KCNU1: variants seen among roughly 807,000 people sequenced by gnomAD.
KCNU1 encodes the protein potassium channel subfamily U member 1.
KCNU1 carries 93 observed loss-of-function variants against 126.8 expected under a neutral mutation model. That is an observed-to-expected ratio of 0.73 (90% confidence interval 0.62 to 0.87). KCNU1 has a LOEUF of 0.87. Ranked by LOEUF, KCNU1 falls within the 40% of genes least tolerant of loss-of-function variation. The pLI is 0.00. For missense variants in KCNU1, 1,330 were observed against 1,367.1 expected (o/e 0.97, Z 0.43); for synonymous variants, 523 against 494.2 (o/e 1.06, Z -0.77).
intron 2 of KCNU1, among the ~76,000 whole-genome samples, chr8:36,799,651 C>T (rs1397778240): frequency 2.0e-5 from 3 of 151,652 alleles, no homozygotes; most frequent in African/African-American, 4.8e-5. Context: ...TCTCCTGTCT[C>T]AGCCTTCTGA....
At chr8:36,843,953 C>T (rs560434683) in intron 16 of KCNU1, among the ~76,000 whole-genome samples, 2 of 152,252 alleles carry the variant, frequency 1.3e-5, no homozygotes, top group South Asian at 4.1e-4. Context: ...ACTAATAACA[C>T]CATGTTAGGA....
At chr8:36,785,325 A>G (rs1802675336) in intron 1 of KCNU1, among the ~76,000 whole-genome samples, 1 of 152,208 alleles carries the variant, frequency 6.6e-6, no homozygotes, top group South Asian at 2.1e-4. Flanking sequence ...GAAGAGTTTT[A>G]CTATACCCTG....
chr8:36,903,152 T>G (rs1807485401), intron 19 of KCNU1, among the ~76,000 whole-genome samples: 1 of 152,122 alleles, frequency 6.6e-6, no homozygotes, highest in Admixed American at 6.6e-5. Flanking sequence ...GTCTTCTCTG[T>G]CCTATTACTT....
intron 16 of KCNU1, 33 bp downstream of exon 16, chr8:36,841,036 T>TTG (rs1563288710): frequency 3.0e-6 from 2 of 660,708 alleles, no homozygotes; most frequent in Non-Finnish European, 4.3e-6. Context: ...CTTCAGTTGT[T>TTG]TTTTTTTTTT....
Position 36,922,602 on chromosome 8 carries a change from C to A in KCNU1, c.2709C>A (p.Gly903=). The part of the protein sequence containing the change: ...TAFSTGTVFS[G]SFLDSLLATA... Reference sequence around the variant, plus strand: ...TTTCTACGGGCACTGTTTTTTCCGGCAGCTTCTTGGATTCTCTGCTGGCCA... The same window carrying A: ...TTTCTACGGGCACTGTTTTTTCCGGAAGCTTCTTGGATTCTCTGCTGGCCA... Residue 903 remains glycine (G), a synonymous_variant, in exon 24 of 27, where the codon GGC becomes GGA. Transcript: ENST00000399881. 6.2e-7 allele frequency: 1 copy of A among 1,613,484 alleles called. No homozygotes were observed. Among genetic ancestry groups the A allele is most frequent in the Non-Finnish European group, 8.5e-7 (1 of 1,179,674 alleles).
chr8:36,894,366 G>C (rs1336144771), intron 19 of KCNU1, among the ~76,000 whole-genome samples: 1 of 152,106 alleles, frequency 6.6e-6, no homozygotes, highest in African/African-American at 2.4e-5. Flanking sequence ...GTTTGTTTCT[G>C]AGTGACTCAC....
At chr8:36,907,535 A>G (rs1401845306) in intron 20 of KCNU1, among the ~76,000 whole-genome samples, 3 of 152,210 alleles carry the variant, frequency 2.0e-5, no homozygotes, top group Non-Finnish European at 4.4e-5. Flanking sequence ...TAAGATTCAT[A>G]TCACTCTAGG....
intron 24 of KCNU1, among the ~76,000 whole-genome samples, chr8:36,925,000 A>C (rs1183630978): frequency 1.3e-5 from 2 of 152,166 alleles, no homozygotes; most frequent in African/African-American, 4.8e-5. Context: ...ACAAGCCAGT[A>C]TGAGGAACAC....
At chr8:36,784,907 T>C (rs1398987018) in intron 1 of KCNU1, among the ~76,000 whole-genome samples, 1 of 152,230 alleles carries the variant, frequency 6.6e-6, no homozygotes, top group Non-Finnish European at 1.5e-5. Flanking sequence ...ATAAACATTA[T>C]GTCCATGCCT....
intron 19 of KCNU1, among the ~76,000 whole-genome samples, chr8:36,883,437 C>T (rs1042211418): frequency 1.3e-5 from 2 of 152,166 alleles, no homozygotes; most frequent in African/African-American, 4.8e-5. Context: ...TATCTAGAAA[C>T]AACCTCAGGG....
At chr8:36,818,697 T>C (rs762711470) in intron 10 of KCNU1, among the ~76,000 whole-genome samples, 2 of 152,224 alleles carry the variant, frequency 1.3e-5, no homozygotes, top group Non-Finnish European at 2.9e-5. Flanking sequence ...ATTTTGATCT[T>C]ACGTAGGATT....
chr8:36,793,663 A>T (rs1802984394), intron 2 of KCNU1, among the ~76,000 whole-genome samples: 1 of 152,184 alleles, frequency 6.6e-6, no homozygotes, highest in Non-Finnish European at 1.5e-5. Flanking sequence ...GTAATTACTA[A>T]TCAACATGAC....
intron 19 of KCNU1, among the ~76,000 whole-genome samples, chr8:36,873,230 A>G (rs1806166267): frequency 6.6e-6 from 1 of 152,132 alleles, no homozygotes; most frequent in Non-Finnish European, 1.5e-5. Context: ...CTTGCCTACT[A>G]AGAATAATTA....
chr8:36,916,205 G>A (rs569864581), intron 22 of KCNU1, among the ~76,000 whole-genome samples: 2 of 147,346 alleles, frequency 1.4e-5, no homozygotes, highest in South Asian at 2.2e-4. Flanking sequence ...AAGGAAAGGG[G>A]AGAGGGAAGG....
intron 19 of KCNU1, among the ~76,000 whole-genome samples, chr8:36,879,651 G>A (rs551377666): frequency 3.3e-5 from 5 of 152,226 alleles, no homozygotes; most frequent in South Asian, 2.1e-4. Flanking sequence ...TTAAAATGCC[G>A]AATGCTTCAA....
intron 19 of KCNU1, among the ~76,000 whole-genome samples, chr8:36,875,482 A>G (rs550166607): frequency 2.0e-5 from 3 of 150,790 alleles, no homozygotes; most frequent in East Asian, 3.9e-4. Flanking sequence ...GATATATTAT[A>G]TATATACTGG....
At chr8:36,918,098 C>A (rs552771996) in intron 22 of KCNU1, among the ~76,000 whole-genome samples, 4 of 152,172 alleles carry the variant, frequency 2.6e-5, no homozygotes, top group Admixed American at 6.5e-5. Flanking sequence ...ATACTACAGG[C>A]AAATTGATGT....
At chr8:36,899,574 T>G (rs149159984) in intron 19 of KCNU1, among the ~76,000 whole-genome samples, 3 of 152,118 alleles carry the variant, frequency 2.0e-5, no homozygotes, top group African/African-American at 7.2e-5. Context: ...AAGTTTATAA[T>G]TTAATAATGA....
At chr8:36,851,586 C>T (rs1172336684) in intron 18 of KCNU1, among the ~76,000 whole-genome samples, 1 of 152,066 alleles carries the variant, frequency 6.6e-6, no homozygotes, top group African/African-American at 2.4e-5. Flanking sequence ...GATTAATACA[C>T]GATGAACATA....
Sources: allele counts gnomAD v4.1 joint callset (sites outside exome capture counted in the v4.1 genomes callset), GRCh38; gene constraint gnomAD v4.1.1; transcripts MANE v1.5; gene names NCBI Gene and HGNC (gene_info 2026-07-23, HGNC 2026-07-21).